RBFOX1: variants seen among roughly 807,000 people sequenced by gnomAD.
RBFOX1 encodes the protein RNA binding protein fox-1 homolog 1.
A neutral mutation model predicts 57.7 loss-of-function variants in RBFOX1; 8 were observed. The ratio of observed to expected loss-of-function variants is 0.14; its 90% CI spans 0.08 to 0.25. RBFOX1 has a LOEUF of 0.25. Among genes scored for constraint, RBFOX1 ranks in the 10% least tolerant of loss-of-function variants. RBFOX1 has a pLI of 1.00. For synonymous variants in RBFOX1, 326 were observed against 222.4 expected, an observed-to-expected ratio of 1.47 and a Z score of -4.15; for missense variants, 611 against 548.5, an observed-to-expected ratio of 1.11 and a Z score of -1.14.
chr16:6,917,141 G>T (rs894138770), intron 3 of RBFOX1, among the ~76,000 whole-genome samples: 3 of 152,184 alleles, frequency 2.0e-5, no homozygotes, highest in Non-Finnish European at 2.9e-5. Flanking sequence ...GTGAGCCACT[G>T]TACCCAGCCT....
At chr16:6,897,015 T>G (rs1316612227) in intron 3 of RBFOX1, among the ~76,000 whole-genome samples, 1 of 152,162 alleles carries the variant, frequency 6.6e-6, no homozygotes, top group Non-Finnish European at 1.5e-5. Context: ...GACGCACCTG[T>G]GCAGAGCTCC....
chr16:6,057,983 G>A (rs2095635839), intron 1 of RBFOX1, among the ~76,000 whole-genome samples: 1 of 152,016 alleles, frequency 6.6e-6, no homozygotes, highest in South Asian at 2.1e-4. Context: ...CAAGCCTGAA[G>A]GCTGCACTTC....
At chr16:6,991,947 G>A in intron 3 of RBFOX1, among the ~76,000 whole-genome samples, 1 of 152,282 alleles carries the variant, frequency 6.6e-6, no homozygotes, top group South Asian at 2.1e-4. Context: ...AGGGTGGTGG[G>A]GGTGTCCCAG....
intron 3 of RBFOX1, among the ~76,000 whole-genome samples, chr16:5,786,330 G>T (rs959012915): frequency 6.6e-6 from 1 of 152,058 alleles, no homozygotes; most frequent in Non-Finnish European, 1.5e-5. Context: ...GTCCAGGATG[G>T]GGGCCCTTCC....
At chr16:6,512,521 T>C (rs528575693) in intron 2 of RBFOX1, among the ~76,000 whole-genome samples, 24 of 152,050 alleles carry the variant, frequency 1.6e-4, no homozygotes, top group African/African-American at 5.1e-4. Context: ...ATGTAGAGGG[T>C]CTGGACCAAG....
intron 4 of RBFOX1, among the ~76,000 whole-genome samples, chr16:7,340,356 A>T (rs529034673): frequency 2.8e-4 from 42 of 152,326 alleles, no homozygotes; most frequent in Admixed American, 1.4e-3. Flanking sequence ...ACTTGTTGCC[A>T]TTGATCATAT....
chr16:7,010,961 A>G (rs1596922183), intron 3 of RBFOX1, among the ~76,000 whole-genome samples: 1 of 152,342 alleles, frequency 6.6e-6, no homozygotes, highest in South Asian at 2.1e-4. Context: ...GGGCAAGAGG[A>G]TAAATTAACT....
intron 11 of RBFOX1, among the ~76,000 whole-genome samples, chr16:7,652,023 A>T (rs1391710046): frequency 6.6e-6 from 1 of 151,974 alleles, no homozygotes; most frequent in Non-Finnish European, 1.5e-5. Flanking sequence ...GAAGGGAGGA[A>T]GGGCATCCCA....
intron 3 of RBFOX1, among the ~76,000 whole-genome samples, chr16:7,001,346 G>T (rs886909152): frequency 6.6e-6 from 1 of 150,444 alleles, no homozygotes; most frequent in African/African-American, 2.5e-5. Flanking sequence ...CCCTGACTCT[G>T]TGTGTGTGTG....
chr16:6,523,998 G>A (rs1336267865), intron 2 of RBFOX1, among the ~76,000 whole-genome samples: 3 of 152,070 alleles, frequency 2.0e-5, no homozygotes, highest in Non-Finnish European at 4.4e-5. Flanking sequence ...ATCCTTTGTG[G>A]TATAAATAAA....
At chr16:6,004,481 C>A (rs2060658344) in intron 4 of RBFOX1, among the ~76,000 whole-genome samples, 1 of 152,176 alleles carries the variant, frequency 6.6e-6, no homozygotes, top group Admixed American at 6.5e-5. Context: ...GTGTGATATG[C>A]CTGATGCAAT....
At chr16:5,362,936 T>C (rs1276950438) in intron 1 of RBFOX1, among the ~76,000 whole-genome samples, 2 of 152,188 alleles carry the variant, frequency 1.3e-5, no homozygotes, top group East Asian at 3.8e-4. Context: ...TATCCATCAC[T>C]GCACATTTAG....
chr16:6,538,364 C>T (rs1475285364), intron 2 of RBFOX1, among the ~76,000 whole-genome samples: 1 of 152,110 alleles, frequency 6.6e-6, no homozygotes, highest in Non-Finnish European at 1.5e-5. Flanking sequence ...TGGTGGCACA[C>T]ATCTGTGGTC....
At chr16:5,553,093 G>A (rs1261012379) in intron 2 of RBFOX1, among the ~76,000 whole-genome samples, 2 of 152,080 alleles carry the variant, frequency 1.3e-5, no homozygotes, top group African/African-American at 4.8e-5. Flanking sequence ...GAGATCACTT[G>A]GACACAGGGC....
chr16:6,187,412 C>A (rs1207299828), intron 1 of RBFOX1, among the ~76,000 whole-genome samples: 1 of 152,092 alleles, frequency 6.6e-6, no homozygotes, highest in Non-Finnish European at 1.5e-5. Context: ...AGGGTCAGGG[C>A]AGAGATAACA....
At chr16:5,877,994 A>G (rs2057659355) in intron 4 of RBFOX1, among the ~76,000 whole-genome samples, 1 of 152,146 alleles carries the variant, frequency 6.6e-6, no homozygotes, top group Non-Finnish European at 1.5e-5. Flanking sequence ...CCCACCTCCT[A>G]CCTCACACTT....
At chr16:5,276,717 G>A (rs1285462630) in intron 1 of RBFOX1, among the ~76,000 whole-genome samples, 1 of 152,162 alleles carries the variant, frequency 6.6e-6, no homozygotes, top group Non-Finnish European at 1.5e-5. Flanking sequence ...CAGGATGCAA[G>A]GTTGCAGTGA....
intron 3 of RBFOX1, among the ~76,000 whole-genome samples, chr16:6,655,400 A>AAAAAAAAAAAAAAAAAAAC (rs2098642301): frequency 6.9e-6 from 1 of 144,792 alleles, no homozygotes; most frequent in Non-Finnish European, 1.5e-5. Flanking sequence ...AAAAAAAAAA[A>AAAAAAAAAAAAAAAAAAAC]AAAGAGCTCG....
chr16:6,367,468 C>G (rs2089815518), intron 2 of RBFOX1, among the ~76,000 whole-genome samples: 1 of 152,052 alleles, frequency 6.6e-6, no homozygotes, highest in African/African-American at 2.4e-5. Context: ...GACAGGGTTT[C>G]ACTATATTGG....
Sources: gnomAD v4.1 joint callset for allele counts (sites outside exome capture counted in the v4.1 genomes callset) on GRCh38, gnomAD v4.1.1 for gene constraint, MANE v1.5 for transcripts, NCBI Gene and HGNC (gene_info 2026-07-23, HGNC 2026-07-21) for gene names.